Variants in CES5A observed in about 807,000 individuals in gnomAD.
The protein encoded by CES5A is carboxylesterase 5A.
Under a neutral mutation model 62.9 loss-of-function variants are expected in CES5A, and 67 were observed. The observed-to-expected ratio is 1.07, with a 90% CI of 0.88 to 1.31. The LOEUF is 1.31. CES5A is among the 50% of genes most tolerant of loss of function. The pLI, the probability that CES5A is intolerant of heterozygous loss-of-function variation, is 0.00. For missense variants in CES5A, 748 were observed against 708.5 expected (o/e 1.06, Z -0.63); for synonymous variants, 296 against 280.8 (o/e 1.05, Z -0.54).
intron 1 of CES5A, among the ~76,000 whole-genome samples, chr16:55,921,793 T>C (rs2034207853): frequency 6.6e-6 from 1 of 151,878 alleles, no homozygotes; most frequent in Non-Finnish European, 1.5e-5. Context: ...AAGACAAATA[T>C]ATCAAAACAA....
chr16:55,949,639 G>A (rs2034532940), intron 2 of CES5A: 1 of 404,570 alleles, frequency 2.5e-6, no homozygotes, highest in Admixed American at 4.2e-5. Flanking sequence ...GGTGAGGCAG[G>A]ATAAGAACAT....
intron 1 of CES5A, among the ~76,000 whole-genome samples, chr16:55,903,489 G>A (rs879425145): frequency 6.6e-6 from 1 of 152,158 alleles, no homozygotes; most frequent in African/African-American, 2.4e-5. Flanking sequence ...TGAGTGAGGA[G>A]ACCTAGGCAA....
intron 1 of CES5A, among the ~76,000 whole-genome samples, chr16:55,921,899 T>C (rs2034209398): frequency 6.6e-6 from 1 of 151,962 alleles, no homozygotes; most frequent in Non-Finnish European, 1.5e-5. Context: ...GGAGTTAAAG[T>C]GTAGGTTTTT....
chr16:55,861,320 C>G, intron 7 of CES5A, 92 bp downstream of exon 7: 5 of 714,040 alleles, frequency 7.0e-6, no homozygotes, highest in Non-Finnish European at 1.2e-5. Flanking sequence ...TTTCTATGTT[C>G]CAAATTCAAA....
At chr16:55,921,884 G>A (rs2034209154) in intron 1 of CES5A, among the ~76,000 whole-genome samples, 1 of 151,928 alleles carries the variant, frequency 6.6e-6, no homozygotes, top group African/African-American at 2.4e-5. Context: ...AATGGGAGAG[G>A]AAGTGGAGTT....
intron 1 of CES5A, among the ~76,000 whole-genome samples, chr16:55,903,952 C>A (rs1410600042): frequency 6.6e-6 from 1 of 152,194 alleles, no homozygotes; most frequent in African/African-American, 2.4e-5. Flanking sequence ...TTATTACAAT[C>A]ATTAACTTGT....
chr16:55,887,174 T>G (rs2033825239), intron 1 of CES5A, among the ~76,000 whole-genome samples: 2 of 152,146 alleles, frequency 1.3e-5, no homozygotes, highest in Middle Eastern at 3.4e-3. Flanking sequence ...TATTGACCCC[T>G]GTCACCATCA....
intron 2 of CES5A, among the ~76,000 whole-genome samples, chr16:55,941,034 C>T (rs1360244725): frequency 4.6e-5 from 7 of 151,798 alleles, no homozygotes; most frequent in African/African-American, 1.7e-4. Context: ...AAAAAGCCTA[C>T]AGCTAACATT....
At chr16:55,853,099 G>T in intron 9 of CES5A, 71 bp from the exon 10 acceptor site, 3 of 1,502,386 alleles carry the variant, frequency 2.0e-6, no homozygotes, top group Non-Finnish European at 9.2e-7. Context: ...ACTCACCTGT[G>T]CAGGTATGAT....
chr16:55,929,504 C>T (rs2034288812), upstream of CES5A, among the ~76,000 whole-genome samples: 3 of 152,204 alleles, frequency 2.0e-5, no homozygotes, highest in Non-Finnish European at 4.4e-5. Context: ...CCCTCTGCGC[C>T]TCCACATCCA....
upstream of CES5A, among the ~76,000 whole-genome samples, chr16:55,875,831 T>C (rs1485833622): frequency 6.6e-6 from 1 of 152,180 alleles, no homozygotes; most frequent in Non-Finnish European, 1.5e-5. Flanking sequence ...GAAAAGATTC[T>C]CCCTGGCCTT....
chr16:55,903,735 G>A (rs998272602), intron 1 of CES5A, among the ~76,000 whole-genome samples: 2 of 152,198 alleles, frequency 1.3e-5, no homozygotes, highest in Non-Finnish European at 1.5e-5. Flanking sequence ...AGATCTTACT[G>A]GAGTCTTTCT....
chr16:55,912,762 G>C (rs1421725036), intron 1 of CES5A, among the ~76,000 whole-genome samples: 2 of 152,172 alleles, frequency 1.3e-5, no homozygotes, highest in African/African-American at 4.8e-5. Flanking sequence ...AAAAAGCACA[G>C]ACTCACAGAC....
chr16:55,924,498 A>G (rs1308657449), intron 1 of CES5A, among the ~76,000 whole-genome samples: 1 of 152,042 alleles, frequency 6.6e-6, no homozygotes, highest in Non-Finnish European at 1.5e-5. Context: ...CATACTACCC[A>G]AAGCAATTTA....
At chr16:55,899,754 C>T (rs1384965444) in intron 1 of CES5A, among the ~76,000 whole-genome samples, 1 of 152,140 alleles carries the variant, frequency 6.6e-6, no homozygotes, top group Non-Finnish European at 1.5e-5. Context: ...TGGGTGGAGG[C>T]CAGGAATGCC....
intron 1 of CES5A, among the ~76,000 whole-genome samples, chr16:55,881,352 T>C (rs1041003386): frequency 2.0e-5 from 3 of 152,182 alleles, no homozygotes; most frequent in Non-Finnish European, 4.4e-5. Flanking sequence ...GATGTGGCTA[T>C]TATGTCCTGA....
intron 1 of CES5A, among the ~76,000 whole-genome samples, chr16:55,920,169 G>T (rs1179594467): frequency 6.6e-6 from 1 of 152,168 alleles, no homozygotes; most frequent in Non-Finnish European, 1.5e-5. Flanking sequence ...GGCAGTAAAA[G>T]AACTGGACTC....
rs768208581 is a variant in CES5A at position 55,869,758 on chromosome 16, A to G, written c.418-14T>C. ...CCACACCAAGACCTGAGGAGGGGAGAAGAGCATCCAGTCAGCCCACCAGGC... is the reference window on the plus strand; with the variant it reads ...CCACACCAAGACCTGAGGAGGGGAGGAGAGCATCCAGTCAGCCCACCAGGC... On this transcript the variant is annotated splice_polypyrimidine_tract_variant and intron_variant, in intron 3 of 12. Transcript: ENST00000290567. 1.3e-6 allele frequency: 2 copies of G among 1,592,896 alleles called. No individual in the cohort carries two copies. The highest frequency in any genetic ancestry group is 2.3e-5 in the East Asian group (1 of 44,136).
upstream of CES5A, among the ~76,000 whole-genome samples, chr16:55,927,420 A>C (rs1417564301): frequency 2.6e-5 from 4 of 152,242 alleles, no homozygotes; most frequent in Non-Finnish European, 5.9e-5. Flanking sequence ...TCAGCAAGGA[A>C]AAAAACAAGT....
Sources: allele counts gnomAD v4.1 joint callset (sites outside exome capture counted in the v4.1 genomes callset), GRCh38; gene constraint gnomAD v4.1.1; transcripts MANE v1.5; gene names NCBI Gene and HGNC (gene_info 2026-07-23, HGNC 2026-07-21).